The following SORCS2 variants were observed in gnomAD, a reference collection of about 807,000 sequenced individuals.
SORCS2 encodes VPS10 domain-containing receptor SorCS2.
Under a neutral mutation model 141.6 loss-of-function variants are expected in SORCS2, and 100 were observed. The ratio of observed to expected loss-of-function variants is 0.71; its 90% CI spans 0.60 to 0.83. The LOEUF is 0.83. Ranked by LOEUF, SORCS2 falls within the 40% of genes least tolerant of loss-of-function variation. The pLI is 0.00. For missense variants in SORCS2, 1,646 were observed against 1,560.2 expected, an observed-to-expected ratio of 1.05 and a Z score of -0.93; for synonymous variants, 789 against 676.9, an observed-to-expected ratio of 1.17 and a Z score of -2.57.
chr4:7,353,862 A>G (rs1721096605), intron 1 of SORCS2, among the ~76,000 whole-genome samples: 1 of 152,218 alleles, frequency 6.6e-6, no homozygotes, highest in Non-Finnish European at 1.5e-5. Flanking sequence ...GAAGCTCAGC[A>G]CCGGTGAAGG....
chr4:7,442,843 C>T (rs922534960), intron 2 of SORCS2, among the ~76,000 whole-genome samples: 11 of 151,910 alleles, frequency 7.2e-5, no homozygotes, highest in Admixed American at 4.6e-4. Flanking sequence ...CGAAAACAAC[C>T]GGAACTCCTT....
At chr4:7,283,035 CCATTCATTCACT>C (rs1044571988) in intron 1 of SORCS2, among the ~76,000 whole-genome samples, 1 of 142,920 alleles carries the variant, frequency 7.0e-6, no homozygotes, top group Admixed American at 7.0e-5. Context: ...ATTTATTCAT[CCATTCATTCACT>C]CATTCATTCA....
chr4:7,394,902 C>G (rs1182660969), intron 1 of SORCS2, among the ~76,000 whole-genome samples: 1 of 152,146 alleles, frequency 6.6e-6, no homozygotes, highest in African/African-American at 2.4e-5. Context: ...ACTTTGAGGT[C>G]CCTTCCAGCT....
At chr4:7,587,512 A>T (rs1444016833) in intron 3 of SORCS2, among the ~76,000 whole-genome samples, 2 of 152,222 alleles carry the variant, frequency 1.3e-5, no homozygotes, top group African/African-American at 4.8e-5. Flanking sequence ...GATGAGACTG[A>T]CGAATGTGCT....
intron 6 of SORCS2, 71 bp downstream of exon 6, chr4:7,661,635 T>G (rs1195376488): frequency 7.1e-7 from 1 of 1,405,564 alleles, no homozygotes; most frequent in African/African-American, 1.4e-5. Flanking sequence ...CGGCTGCACG[T>G]GTGTTCAGTC....
intron 2 of SORCS2, among the ~76,000 whole-genome samples, chr4:7,416,498 A>T (rs994056047): frequency 6.6e-6 from 1 of 152,026 alleles, no homozygotes; most frequent in African/African-American, 2.4e-5. Flanking sequence ...GCTCACACAG[A>T]CACGCACGCT....
rs1721952871 is a variant in SORCS2, at chr4:7,658,572, C to A, written c.888-2928C>A. Among the ~76,000 whole-genome samples, 3 of 152,212 alleles carry A rather than the reference C, an allele frequency of 2.0e-5. No homozygotes were observed. In the South Asian group the frequency reaches 6.2e-4, roughly 32 times the overall value. On this transcript the variant is annotated intron_variant, in intron 5 of 26. Coordinates refer to ENST00000507866, the MANE Select transcript of SORCS2 (RefSeq NM_020777.3). ...ACACTCCACCTTGAAAGGGAGAGCT[C>A]TTTAACTAGGGTCAAAATGATTGAT... is the stretch of plus-strand genomic sequence containing the variant.
At chr4:7,739,527 G>A (rs916203818) in intron 26 of SORCS2, among the ~76,000 whole-genome samples, 15 of 152,312 alleles carry the variant, frequency 9.8e-5, no homozygotes, top group African/African-American at 2.6e-4. Flanking sequence ...GCACTTCCCC[G>A]TCTGACCCAC....
At chr4:7,481,905 TC>T (rs1445001336) in intron 2 of SORCS2, among the ~76,000 whole-genome samples, 4 of 103,874 alleles carry the variant, frequency 3.9e-5, no homozygotes, top group African/African-American at 1.1e-4. Flanking sequence ...CAGACCTGTA[TC>T]CCCACTGCGG....
chr4:7,303,526 T>C (rs1181178853), intron 1 of SORCS2, among the ~76,000 whole-genome samples: 2 of 152,244 alleles, frequency 1.3e-5, no homozygotes, highest in Non-Finnish European at 2.9e-5. Flanking sequence ...TCTGGTTCTT[T>C]CTTTCAGTGT....
intron 3 of SORCS2, among the ~76,000 whole-genome samples, chr4:7,606,908 GTTGAGGATCCT>G (rs529259435): frequency 3.6e-4 from 55 of 152,260 alleles, no homozygotes; most frequent in African/African-American, 1.3e-3. Context: ...GCCCTGAGCT[GTTGAGGATCCT>G]TTGACTTCAT....
rs1466252208 is a variant in SORCS2 at position 7,621,970 on chromosome 4, G to A, written c.649-16358G>A. On this transcript the variant is annotated intron_variant, in intron 3 of 26. Coordinates refer to ENST00000507866, the MANE Select transcript of SORCS2 (RefSeq NM_020777.3). The stretch of plus-strand genomic sequence containing the variant: ...TCTATCTGCTTGTGACAACAGCGCT[G>A]TGAGTTATTAATCAGTACTATCAGG... 2.6e-5 allele frequency among the ~76,000 whole-genome samples: 4 copies of A among 152,316 alleles called. No homozygotes were observed. In the East Asian group the frequency reaches 7.7e-4, roughly 29 times the overall value.
At position 7,348,479 on chromosome 4, in the gene SORCS2, C is replaced by CTTTATAGATGA. The variant is rs538783502; in HGVS notation, c.481-47808_481-47807insTTATAGATGAT. On this transcript the variant is annotated intron_variant, in intron 1 of 26. Transcript: ENST00000507866. ...AGCCTCCACTTTATAGATGATGAAA[C>CTTTATAGATGA]TGAGGTTTGAGGATGCTAAGTGCCC... Among the ~76,000 whole-genome samples, 23 of 152,264 alleles carry CTTTATAGATGA rather than the reference C, an allele frequency of 1.5e-4. No homozygotes were observed. The East Asian group carries it at 4.4e-3, about 29-fold the overall frequency.
chr4:7,654,786 C>G (rs567483697), intron 5 of SORCS2, among the ~76,000 whole-genome samples: 1 of 152,288 alleles, frequency 6.6e-6, no homozygotes, highest in South Asian at 2.1e-4. Context: ...GGGGTTGTAC[C>G]CCAGACAAGC....
intron 1 of SORCS2, among the ~76,000 whole-genome samples, chr4:7,341,501 CTCT>C (rs1720366361): frequency 6.6e-6 from 1 of 152,208 alleles, no homozygotes; most frequent in Non-Finnish European, 1.5e-5. Context: ...TTTCTCTCTA[CTCT>C]TCAGGCTGTA....
chr4:7,624,252 C>T (rs10937844), intron 3 of SORCS2, among the ~76,000 whole-genome samples: 19,622 of 152,134 alleles, frequency 0.13, 1,313 homozygotes, highest in Middle Eastern at 0.18. Context: ...CCCCACCCAA[C>T]TCTGAGGAGC....
intron 14 of SORCS2, among the ~76,000 whole-genome samples, chr4:7,707,553 A>T (rs1725548359): frequency 6.6e-6 from 1 of 152,198 alleles, no homozygotes; most frequent in Non-Finnish European, 1.5e-5. Context: ...CCAGCCCAGA[A>T]GGGCCTTCCC....
At chr4:7,301,568 C>T (rs986082772) in intron 1 of SORCS2, among the ~76,000 whole-genome samples, 5 of 152,218 alleles carry the variant, frequency 3.3e-5, no homozygotes, top group Admixed American at 2.0e-4. Flanking sequence ...GGCAGAGCAC[C>T]CTCGACCCTT....
intron 1 of SORCS2, among the ~76,000 whole-genome samples, chr4:7,289,443 C>T (rs1317452808): frequency 6.6e-6 from 1 of 152,196 alleles, no homozygotes; most frequent in African/African-American, 2.4e-5. Context: ...AGCCTGCCAC[C>T]CTGCCTAGCA....
Sources: gnomAD v4.1 joint callset for allele counts (sites outside exome capture counted in the v4.1 genomes callset) on GRCh38, gnomAD v4.1.1 for gene constraint, MANE v1.5 for transcripts, NCBI Gene and HGNC (gene_info 2026-07-23, HGNC 2026-07-21) for gene names.